MTCL1: variants seen among roughly 807,000 people sequenced by gnomAD.
MTCL1 encodes the protein microtubule cross-linking factor 1.
Under a neutral mutation model 141.4 loss-of-function variants are expected in MTCL1, and 79 were observed. That is an observed-to-expected ratio of 0.56 (90% CI 0.47 to 0.67). The LOEUF is 0.67. Ranked by LOEUF, MTCL1 falls within the 30% of genes least tolerant of loss-of-function variation. MTCL1 has a pLI of 0.00. For missense variants in MTCL1, 2,177 were observed against 2,113.9 expected (o/e 1.03, Z -0.59); for synonymous variants, 914 against 875.8 (o/e 1.04, Z -0.77).
intron 10 of MTCL1, chr18:8,800,474 A>T (rs2076081873): frequency 6.6e-6 from 1 of 152,240 alleles, no homozygotes; most frequent in South Asian, 2.1e-4. Context: ...CAACCTTGGG[A>T]TGGCTCATAA....
upstream of MTCL1, among the ~76,000 whole-genome samples, chr18:8,713,840 G>T (rs2096109486): frequency 6.6e-6 from 1 of 152,172 alleles, no homozygotes; most frequent in Non-Finnish European, 1.5e-5. Context: ...CTACTCAGGA[G>T]GCTGAGGCAG....
intron 4 of MTCL1, among the ~76,000 whole-genome samples, chr18:8,751,570 C>T (rs1180040587): frequency 6.6e-6 from 1 of 152,144 alleles, no homozygotes; most frequent in Non-Finnish European, 1.5e-5. Flanking sequence ...TAAAAACAAA[C>T]GCTTTTTGGT....
chr18:8,785,666 C>T (rs1456091581), intron 6 of MTCL1: 2 of 464,562 alleles, frequency 4.3e-6, no homozygotes, highest in East Asian at 3.9e-5. Flanking sequence ...TTTTGCACCC[C>T]CACTTTCTCT....
chr18:8,712,759 C>G (rs1039923696), upstream of MTCL1, among the ~76,000 whole-genome samples: 1 of 152,110 alleles, frequency 6.6e-6, no homozygotes, highest in African/African-American at 2.4e-5. Flanking sequence ...TCTTGGAGAA[C>G]ATTTCCCTTG....
Position 8,787,006 on chromosome 18 carries a change from C to T in MTCL1, c.1887+915C>T, listed in dbSNP as rs976127783. The T allele has an allele frequency of 5.8e-5, 9 of 155,930 alleles. No individual in the cohort carries two copies. In the South Asian group the frequency reaches 8.0e-4, roughly 14 times the overall value. 9.7% of individuals were successfully genotyped at this position (155,930 alleles called of 1,614,324 possible). A position where few individuals can be genotyped will look rare whatever the true frequency, so the allele number is the denominator to read the frequency against. Reference sequence around the variant, plus strand: ...TTTACAGGAAGTGCGTCTCCCTTCCCGAGTGTTCCGTCCTTCAAGGTGTGT... The same window carrying T: ...TTTACAGGAAGTGCGTCTCCCTTCCTGAGTGTTCCGTCCTTCAAGGTGTGT... On this transcript the variant is annotated intron_variant, in intron 7 of 16. Transcript: ENST00000359865.
chr18:8,810,645 G>C lies in MTCL1; in HGVS notation c.2605-2334G>C, dbSNP rs1389036676. On this transcript the variant is annotated intron_variant, in intron 11 of 16. Transcript: ENST00000359865. The surrounding 1 kb of genome is among the most constrained non-coding windows in gnomAD (Gnocchi z 5.0). ...CCTGTCTTTCATTCTGGGTTACGTG[G>C]ACTTCCAGCAGCTCTTTTAAACTGG... Among the ~76,000 whole-genome samples the C allele has an allele frequency of 6.6e-6, 1 of 152,056 alleles. No individual in the cohort carries two copies. The highest frequency in any genetic ancestry group is 6.5e-5 in the Admixed American group (1 of 15,286).
chr18:8,754,454 T>C (rs934682826), intron 4 of MTCL1, among the ~76,000 whole-genome samples: 3 of 152,212 alleles, frequency 2.0e-5, no homozygotes, highest in Non-Finnish European at 4.4e-5. Context: ...TTTGGGAATA[T>C]GGAAGAAGTA....
At chr18:8,805,102 A>AATAT (rs71356268) in intron 10 of MTCL1, among the ~76,000 whole-genome samples, 20,279 of 146,160 alleles carry the variant, frequency 0.14, 1,674 homozygotes, top group East Asian at 0.32. Context: ...TTTATTTTTG[A>AATAT]ATATATATAT....
intron 4 of MTCL1, among the ~76,000 whole-genome samples, chr18:8,777,528 T>C (rs1426382300): frequency 1.3e-5 from 2 of 152,204 alleles, no homozygotes; most frequent in African/African-American, 2.4e-5. Flanking sequence ...TCTGCACTGT[T>C]AAAGTTATCC....
At chr18:8,726,753 AGAT>A (rs1023302899) in intron 4 of MTCL1, among the ~76,000 whole-genome samples, 3 of 152,126 alleles carry the variant, frequency 2.0e-5, no homozygotes, top group African/African-American at 7.2e-5. Flanking sequence ...TCCTTGAGAG[AGAT>A]GGTGGTGGTT....
intron 4 of MTCL1, among the ~76,000 whole-genome samples, chr18:8,737,128 C>T (rs1408832669): frequency 2.6e-5 from 4 of 152,182 alleles, no homozygotes; most frequent in Admixed American, 2.0e-4. Flanking sequence ...TGTAACTCTG[C>T]ATGTTCCCTT....
At chr18:8,712,414 G>C (rs754766301), upstream of MTCL1, among the ~76,000 whole-genome samples, 84 of 152,172 alleles carry the variant, frequency 5.5e-4, 1 homozygote, top group Non-Finnish European at 1.8e-4. Flanking sequence ...TGGCAGCTGG[G>C]CTGCCCAGAT....
At chr18:8,718,342 TGAG>T (rs1293039830) in intron 2 of MTCL1, 79 bp from the exon 2 acceptor site, 4 of 1,337,948 alleles carry the variant, frequency 3.0e-6, no homozygotes, top group Non-Finnish European at 4.2e-6. Context: ...TATTTAGTAT[TGAG>T]GAGCGGGTAT....
rs2076889150 is a variant in MTCL1, at chr18:8,822,822, G to C, written c.3188+1324G>C. ...CGTTCACAGCAGCAGCCACATCAGT[G>C]TTTCCGGTTAGGCTTTGGAGCAACT... On this transcript the variant is annotated intron_variant, in intron 14 of 16. Coordinates refer to ENST00000359865, the Ensembl canonical transcript of MTCL1. The surrounding 1 kb of genome is among the most constrained non-coding windows in gnomAD (Gnocchi z 4.6). Among the ~76,000 whole-genome samples, 1 of 152,108 alleles carries C rather than the reference G, an allele frequency of 6.6e-6. No homozygotes were observed. Among genetic ancestry groups the C allele is most frequent in the African/African-American group, 2.4e-5 (1 of 41,424 alleles).
exon 3 of MTCL1, chr18:8,718,442 C>T (rs774088801): frequency 8.1e-6 from 13 of 1,613,938 alleles, no homozygotes; most frequent in Admixed American, 6.7e-5. Context: ...AGATGAACTC[C>T]GTGCTGAGAT....
At chr18:8,710,723 G>C (rs1272528108) in intron 1 of MTCL1, among the ~76,000 whole-genome samples, 1 of 151,014 alleles carries the variant, frequency 6.6e-6, no homozygotes, top group Non-Finnish European at 1.5e-5. Flanking sequence ...GTAGCATAAA[G>C]GAGCAATAAA....
chr18:8,826,358 A>T (rs1489918034), intron 15 of MTCL1, 126 bp downstream of exon 14: 23 of 963,800 alleles, frequency 2.4e-5, no homozygotes, highest in Non-Finnish European at 3.1e-5. Flanking sequence ...GGTTATTGGG[A>T]GCTGGGGAGG....
intron 4 of MTCL1, among the ~76,000 whole-genome samples, chr18:8,749,994 T>C (rs2096362430): frequency 6.6e-6 from 1 of 152,232 alleles, no homozygotes; most frequent in Non-Finnish European, 1.5e-5. Context: ...ATATTAAAGT[T>C]GCTGTTAGCT....
At chr18:8,758,443 C>G (rs1449897329) in intron 4 of MTCL1, among the ~76,000 whole-genome samples, 1 of 152,174 alleles carries the variant, frequency 6.6e-6, no homozygotes, top group East Asian at 1.9e-4. Flanking sequence ...ACATTTTCTT[C>G]TTCTATGGAT....
Sources: allele counts gnomAD v4.1 joint callset (sites outside exome capture counted in the v4.1 genomes callset), GRCh38; gene constraint gnomAD v4.1.1; non-coding constraint Gnocchi (gnomAD v3.1); transcripts MANE v1.5; gene names NCBI Gene and HGNC (gene_info 2026-07-23, HGNC 2026-07-21).